CFAP44: variants seen among roughly 807,000 people sequenced by gnomAD.
CFAP44 encodes cilia- and flagella-associated protein 44.
In CFAP44, 134 loss-of-function variants were observed where a neutral mutation model predicts 216.2. The observed-to-expected ratio is 0.62, with a 90% CI of 0.54 to 0.72. CFAP44 has a LOEUF of 0.72. CFAP44 is among the 30% of genes least tolerant of loss of function. CFAP44 has a pLI of 0.00. For synonymous variants in CFAP44, 700 were observed against 727.6 expected, an observed-to-expected ratio of 0.96 and a Z score of 0.61; for missense variants, 2,035 against 2,182.1, an observed-to-expected ratio of 0.93 and a Z score of 1.34.
intron 18 of CFAP44, among the ~76,000 whole-genome samples, chr3:113,366,935 C>T (rs947426446): frequency 4.6e-5 from 7 of 152,232 alleles, no homozygotes; most frequent in African/African-American, 1.4e-4. Context: ...GCGGGTCCCA[C>T]GCCCATGGAG....
At position 113,287,796 on chromosome 3, in the gene CFAP44, A is replaced by G. The variant is rs1322980184; in HGVS notation, c.*3761T>C. On this transcript the variant is annotated 3_prime_UTR_variant, in exon 35 of 35. Coordinates refer to ENST00000393845, the MANE Select transcript of CFAP44 (RefSeq NM_001164496.2). Reference sequence around the variant, plus strand: ...TTATATAGGTGTGTGTTGAAGACCAAATATTTTCTCCAAAATACTGTTTAG... The same window carrying G: ...TTATATAGGTGTGTGTTGAAGACCAGATATTTTCTCCAAAATACTGTTTAG... 2.0e-5 allele frequency: 3 copies of G among 152,224 alleles called. No homozygotes were observed. The highest frequency in any genetic ancestry group is 4.4e-5 in the Non-Finnish European group (3 of 68,050). The allele number at this position is 152,224 out of a possible 1,614,324, so 9.4% of individuals were successfully genotyped here. A position where few individuals can be genotyped will look rare whatever the true frequency, so the allele number is the denominator to read the frequency against.
chr3:113,356,226 A>G (rs1399097989), intron 22 of CFAP44, among the ~76,000 whole-genome samples: 1 of 150,870 alleles, frequency 6.6e-6, no homozygotes, highest in Non-Finnish European at 1.5e-5. Context: ...TTTTTAAGAT[A>G]TATCATGTTT....
intron 4 of CFAP44, among the ~76,000 whole-genome samples, chr3:113,423,095 C>G (rs1190019381): frequency 1.4e-5 from 2 of 138,436 alleles, no homozygotes; most frequent in Non-Finnish European, 1.5e-5. Context: ...TAACTGGAAT[C>G]TGATCCTTCC....
intron 15 of CFAP44, among the ~76,000 whole-genome samples, chr3:113,393,128 G>C (rs1175704604): frequency 6.6e-6 from 1 of 152,180 alleles, no homozygotes; most frequent in Non-Finnish European, 1.5e-5. Context: ...TATGAGATCT[G>C]ATATTTCAGC....
At chr3:113,293,801 T>G (rs575637012) in intron 34 of CFAP44, among the ~76,000 whole-genome samples, 5 of 152,362 alleles carry the variant, frequency 3.3e-5, no homozygotes, top group Admixed American at 3.3e-4. Flanking sequence ...TAAACAACAT[T>G]GTTTCTTACT....
At chr3:113,425,837 T>G (rs1934945103) in intron 4 of CFAP44, 1 of 267,358 alleles carries the variant, frequency 3.7e-6, no homozygotes, top group Admixed American at 4.9e-5. Flanking sequence ...TTCTTAGAAT[T>G]ACCTAATATG....
At chr3:113,346,445 T>G (rs1045691882) in intron 22 of CFAP44, among the ~76,000 whole-genome samples, 1 of 152,052 alleles carries the variant, frequency 6.6e-6, no homozygotes, top group Admixed American at 6.5e-5. Context: ...ATCAGCACTC[T>G]GTGTCTAGCT....
At chr3:113,294,347 C>T (rs1186869364) in intron 34 of CFAP44, 1 of 312,042 alleles carries the variant, frequency 3.2e-6, no homozygotes, top group Non-Finnish European at 6.1e-6. Flanking sequence ...ATGAAATTTG[C>T]AGATATTGGA....
intron 33 of CFAP44, 67 bp from the exon 34 acceptor site, chr3:113,294,888 C>A: frequency 6.9e-7 from 1 of 1,447,856 alleles, no homozygotes; most frequent in African/African-American, 1.4e-5. Context: ...AAATGAGTGT[C>A]CAGATTTGGT....
rs140453389 is a variant in CFAP44, at chr3:113,390,494, T to C, written c.1890+5256A>G. On this transcript the variant is annotated intron_variant, in intron 15 of 34. Transcript: ENST00000393845. ...TCAACATAGTACTGGAAGTTCTAGA[T>C]AGAGTAATCAGATAAGAAAGAAATA... Among the ~76,000 whole-genome samples the C allele has an allele frequency of 2.5e-4, 38 of 152,196 alleles. No individual in the cohort carries two copies. The East Asian group carries it at 6.2e-3, about 25-fold the overall frequency.
At chr3:113,308,403 G>A (rs911226750) in intron 28 of CFAP44, 135 bp from the exon 29 acceptor site, 5 of 706,010 alleles carry the variant, frequency 7.1e-6, no homozygotes, top group South Asian at 6.7e-5. Context: ...AATGGTTAAG[G>A]ACACAAAGAA....
rs1438016747 is a variant in CFAP44, at chr3:113,296,710, C to A, written c.5238+15G>T. 10 of 1,535,336 alleles carry A rather than the reference C, an allele frequency of 6.5e-6. No individual in the cohort carries two copies. In the African/African-American group the frequency reaches 9.6e-5, roughly 15 times the overall value. On this transcript the variant is annotated intron_variant, in intron 33 of 34. Coordinates refer to ENST00000393845, the MANE Select transcript of CFAP44 (RefSeq NM_001164496.2). Reference sequence around the variant, plus strand: ...GCCAGATTCAACCAAAGATCAACCCCCTTCTCTTCCTTACCTCCCACATCT... The same window carrying A: ...GCCAGATTCAACCAAAGATCAACCCACTTCTCTTCCTTACCTCCCACATCT...
At position 113,291,630 on chromosome 3, in the gene CFAP44, C is replaced by T. The variant is rs762790255; in HGVS notation, c.5492G>A (p.Arg1831His). 1.7e-4 allele frequency: 261 copies of T among 1,537,160 alleles called. 2 individuals carry two copies. The Middle Eastern group carries it at 3.8e-3, about 23-fold the overall frequency. Residue 1831 changes from arginine to histidine, a missense_variant, in exon 35 of 35, where the codon CGT becomes CAT. Coordinates refer to ENST00000393845, the MANE Select transcript of CFAP44 (RefSeq NM_001164496.2). Reference protein sequence around the residue: ...SALKEEIALLRRKGSLILPPI... With the variant: ...SALKEEIALLHRKGSLILPPI... ...TGGGAGGATAAGACTGCCTTTCCTACGCAAAAGAGCAATCTCCTCCTTTAA... is the reference window on the plus strand; with the variant it reads ...TGGGAGGATAAGACTGCCTTTCCTATGCAAAAGAGCAATCTCCTCCTTTAA...
chr3:113,312,254 T>G (rs1038618514), intron 28 of CFAP44, among the ~76,000 whole-genome samples: 1 of 149,912 alleles, frequency 6.7e-6, no homozygotes, highest in Non-Finnish European at 1.5e-5. Flanking sequence ...TTTTTTTTTT[T>G]TTGTATTTTT....
At chr3:113,342,556 T>C (rs568316527) in intron 23 of CFAP44, among the ~76,000 whole-genome samples, 25 of 150,944 alleles carry the variant, frequency 1.7e-4, no homozygotes, top group African/African-American at 6.1e-4. Context: ...AGAGTGTTTG[T>C]GAGATGATGG....
chr3:113,395,480 A>G (rs1454545760), intron 15 of CFAP44, among the ~76,000 whole-genome samples: 2 of 152,154 alleles, frequency 1.3e-5, no homozygotes, highest in Admixed American at 6.5e-5. Flanking sequence ...GCAAAGCCTG[A>G]TATAACCCTG....
At chr3:113,381,110 C>T (rs373493806) in intron 15 of CFAP44, 50 bp from the exon 16 acceptor site, 64 of 1,362,754 alleles carry the variant, frequency 4.7e-5, no homozygotes, top group Non-Finnish European at 5.8e-5. Context: ...TTTTTAAAAG[C>T]ATAGTTTAAA....
intron 28 of CFAP44, among the ~76,000 whole-genome samples, chr3:113,310,101 G>A (rs187508230): frequency 2.6e-5 from 4 of 152,258 alleles, no homozygotes; most frequent in Admixed American, 6.5e-5. Flanking sequence ...CCACTGGATG[G>A]TGTTAGAGAA....
intron 15 of CFAP44, among the ~76,000 whole-genome samples, chr3:113,387,182 A>G (rs1469000959): frequency 2.6e-5 from 4 of 152,214 alleles, no homozygotes; most frequent in Non-Finnish European, 2.9e-5. Context: ...TTTGGAGGGC[A>G]TGCAATATAG....
Sources: gnomAD v4.1 joint callset for allele counts (sites outside exome capture counted in the v4.1 genomes callset) on GRCh38, gnomAD v4.1.1 for gene constraint, MANE v1.5 for transcripts, NCBI Gene and HGNC (gene_info 2026-07-23, HGNC 2026-07-21) for gene names.